The following LARGE1 variants were observed in gnomAD, a reference collection of about 807,000 sequenced individuals.
LARGE1 encodes the protein LARGE xylosyl- and glucuronyltransferase 1.
LARGE1 carries 43 observed loss-of-function variants against 87.6 expected under a neutral mutation model. The observed-to-expected ratio is 0.49, with a 90% CI of 0.38 to 0.63. LARGE1 has a LOEUF of 0.63. Among genes scored for constraint, LARGE1 ranks in the 30% least tolerant of loss-of-function variants. The probability of loss-of-function intolerance (pLI) is 0.00; values close to 1 mark genes in which losing one functional copy is unlikely to be tolerated. For missense variants in LARGE1, 802 were observed against 1,000.2 expected, an observed-to-expected ratio of 0.80 and a Z score of 2.67; for synonymous variants, 434 against 394.6, an observed-to-expected ratio of 1.10 and a Z score of -1.18.
chr22:33,219,354 TGTAAA>T (rs1254399317), intron 11 of LARGE1, among the ~76,000 whole-genome samples: 1 of 152,232 alleles, frequency 6.6e-6, no homozygotes, highest in African/African-American at 2.4e-5. Context: ...CAAAGCTGCC[TGTAAA>T]ACATGTAGAC....
At chr22:33,890,377 T>G (rs1025086908) in intron 1 of LARGE1, among the ~76,000 whole-genome samples, 2 of 152,104 alleles carry the variant, frequency 1.3e-5, no homozygotes, top group African/African-American at 2.4e-5. Flanking sequence ...GGCACAGTAG[T>G]TGGTGCTTAA....
chr22:33,753,228 GTAATAA>G (rs1012194578), intron 2 of LARGE1, among the ~76,000 whole-genome samples: 1 of 151,484 alleles, frequency 6.6e-6, no homozygotes, highest in Non-Finnish European at 1.5e-5. Context: ...CAAAAAAATA[GTAATAA>G]TAATAATAAT....
chr22:33,414,698 A>G (rs1234301704), intron 7 of LARGE1, among the ~76,000 whole-genome samples: 2 of 152,182 alleles, frequency 1.3e-5, no homozygotes, highest in African/African-American at 4.8e-5. Flanking sequence ...CTCAAAATCC[A>G]TATGTTGAAA....
At chr22:33,139,317 T>A in the LARGE1 span, among the ~76,000 whole-genome samples, 2 of 152,220 alleles carry the variant, frequency 1.3e-5, no homozygotes, top group Admixed American at 6.5e-5. Context: ...ATGAATTCTC[T>A]ATTCATATCC....
chr22:33,750,496 T>C (rs1330334680), intron 2 of LARGE1: 1 of 152,176 alleles, frequency 6.6e-6, no homozygotes, highest in African/African-American at 2.4e-5. Flanking sequence ...ATAGAAACGA[T>C]TGCTACAGTT....
chr22:33,245,792 C>T (rs1926727641), intron 11 of LARGE1, among the ~76,000 whole-genome samples: 1 of 152,118 alleles, frequency 6.6e-6, no homozygotes, highest in Admixed American at 6.5e-5. Flanking sequence ...GCCTGTAGTC[C>T]CAGCTATTTG....
At chr22:33,818,863 C>A (rs2086734951) in intron 1 of LARGE1, among the ~76,000 whole-genome samples, 1 of 152,166 alleles carries the variant, frequency 6.6e-6, no homozygotes, top group African/African-American at 2.4e-5. Context: ...CTTCCCCCAC[C>A]TTCAGGAAGT....
chr22:33,203,644 A>G (rs1568972388), intron 11 of LARGE1, among the ~76,000 whole-genome samples: 1 of 152,154 alleles, frequency 6.6e-6, no homozygotes, highest in Non-Finnish European at 1.5e-5. Context: ...GATAGAACGC[A>G]TGCTAGGGAA....
chr22:33,080,080 T>C, the LARGE1 span, among the ~76,000 whole-genome samples: 1 of 152,208 alleles, frequency 6.6e-6, no homozygotes, highest in African/African-American at 2.4e-5. Flanking sequence ...TGTTCCTTTG[T>C]AGATTTAAGA....
In LARGE1 at chr22:33,515,701, T is replaced by A. The variant is rs1335388275; in HGVS notation, c.787+49147A>T. ...GGGAGGCAGTAGTCCCCGGACTTAA[T>A]CTGCCCAAAAGGTGGTGCATGGAAA... On this transcript the variant is annotated intron_variant, in intron 6 of 14. Transcript: ENST00000397394. Among the ~76,000 whole-genome samples the A allele has an allele frequency of 2.0e-5, 3 of 152,270 alleles. No individual in the cohort carries two copies. In the East Asian group the frequency reaches 5.8e-4, roughly 29 times the overall value.
the LARGE1 span, among the ~76,000 whole-genome samples, chr22:33,153,700 T>C: frequency 5.9e-5 from 9 of 152,204 alleles, no homozygotes; most frequent in African/African-American, 1.7e-4. Flanking sequence ...AATTTCTCTT[T>C]AGTTTGCATT....
At chr22:33,861,933 A>T (rs2063937989) in intron 1 of LARGE1, among the ~76,000 whole-genome samples, 1 of 139,958 alleles carries the variant, frequency 7.1e-6, no homozygotes, top group Non-Finnish European at 1.5e-5. Context: ...ATCTCAGCTC[A>T]CTGCAACCTC....
chr22:33,633,000 G>A (rs1379754110), intron 3 of LARGE1, among the ~76,000 whole-genome samples: 1 of 152,156 alleles, frequency 6.6e-6, no homozygotes. Flanking sequence ...AGGTAAGGTA[G>A]TGCAGAACTG....
At chr22:33,375,586 T>C (rs1174048637) in intron 9 of LARGE1, among the ~76,000 whole-genome samples, 1 of 152,214 alleles carries the variant, frequency 6.6e-6, no homozygotes, top group Non-Finnish European at 1.5e-5. Flanking sequence ...TCTGAGAATA[T>C]GTATAAACTG....
intron 14 of LARGE1, 108 bp from the exon 15 acceptor site, chr22:33,274,732 G>A (rs1389805676): frequency 1.1e-5 from 10 of 937,874 alleles, no homozygotes; most frequent in African/African-American, 1.6e-5. Flanking sequence ...CTTGATAATG[G>A]CACCCACAAG....
chr22:33,324,440 C>T (rs1210110483), intron 10 of LARGE1, among the ~76,000 whole-genome samples: 2 of 151,954 alleles, frequency 1.3e-5, no homozygotes, highest in African/African-American at 4.8e-5. Flanking sequence ...ACTCTGCTCT[C>T]TGGCCACTGC....
At chr22:33,619,363 T>G (rs1037222319) in intron 4 of LARGE1, among the ~76,000 whole-genome samples, 1 of 152,022 alleles carries the variant, frequency 6.6e-6, no homozygotes, top group Non-Finnish European at 1.5e-5. Context: ...GAGACCAGCC[T>G]GGCCAACGTG....
rs563712451 is a variant in LARGE1 at position 33,612,759 on chromosome 22, A to G, written c.492-8201T>C. Among the ~76,000 whole-genome samples, 6 of 152,336 alleles carry G rather than the reference A, an allele frequency of 3.9e-5. 1 individual carries two copies. The South Asian group carries it at 1.2e-3, about 32-fold the overall frequency. On this transcript the variant is annotated intron_variant, in intron 4 of 14. Coordinates refer to ENST00000397394, the MANE Select transcript of LARGE1 (RefSeq NM_133642.5). ...GGAACTGCAAACTTCATTCTCTAAGAGAAACAGCCAGACAAGGTTTGGAGG... is the reference window on the plus strand; with the variant it reads ...GGAACTGCAAACTTCATTCTCTAAGGGAAACAGCCAGACAAGGTTTGGAGG...
At chr22:33,762,023 C>T (rs2084750020) in intron 1 of LARGE1, among the ~76,000 whole-genome samples, 1 of 151,878 alleles carries the variant, frequency 6.6e-6, no homozygotes, top group Non-Finnish European at 1.5e-5. Context: ...TGAAGACCAG[C>T]TGGCCAACAT....
Sources: gnomAD v4.1 joint callset for allele counts (sites outside exome capture counted in the v4.1 genomes callset) on GRCh38, gnomAD v4.1.1 for gene constraint, MANE v1.5 for transcripts, NCBI Gene and HGNC (gene_info 2026-07-23, HGNC 2026-07-21) for gene names.